ASCC1: variants seen among roughly 807,000 people sequenced by gnomAD.
The protein encoded by ASCC1 is activating signal cointegrator 1 complex subunit 1.
A neutral mutation model predicts 46.6 loss-of-function variants in ASCC1; 35 were observed. The observed-to-expected ratio is 0.75, with a 90% CI of 0.57 to 0.99. ASCC1 has a LOEUF of 0.99. Ranked by LOEUF, ASCC1 falls within the 50% of genes least tolerant of loss-of-function variation. The pLI, the probability that ASCC1 is intolerant of heterozygous loss-of-function variation, is 0.00. For synonymous variants in ASCC1, 143 were observed against 146.6 expected (o/e 0.98, Z 0.18); for missense variants, 376 against 428.7 (o/e 0.88, Z 1.09).
chr10:72,133,339 A>G (rs919313747), intron 7 of ASCC1, 158 bp from the exon 8 acceptor site: 11 of 704,422 alleles, frequency 1.6e-5, no homozygotes, highest in Non-Finnish European at 2.7e-5. Context: ...TCCCACCATC[A>G]TGGAGCTAAA....
chr10:72,126,487 G>T (rs929087307), intron 9 of ASCC1, among the ~76,000 whole-genome samples: 1 of 152,108 alleles, frequency 6.6e-6, no homozygotes, highest in African/African-American at 2.4e-5. Context: ...CTATAGCAAG[G>T]TAAGAGCTCC....
chr10:72,160,887 T>A (rs1036722384), intron 6 of ASCC1, among the ~76,000 whole-genome samples: 1 of 150,518 alleles, frequency 6.6e-6, no homozygotes, highest in South Asian at 2.1e-4. Context: ...ATCAAGACCA[T>A]CCTGGCTAAA....
chr10:72,132,316 T>A (rs1399465379), intron 8 of ASCC1, among the ~76,000 whole-genome samples: 1 of 152,212 alleles, frequency 6.6e-6, no homozygotes, highest in Non-Finnish European at 1.5e-5. Context: ...CCTGATCCGA[T>A]GCTGAAGGTA....
intron 1 of ASCC1, among the ~76,000 whole-genome samples, chr10:72,213,570 C>G (rs539692767): frequency 6.6e-6 from 1 of 150,494 alleles, no homozygotes; most frequent in African/African-American, 2.4e-5. Flanking sequence ...TATCACCCCC[C>G]CCCCAAAAAT....
chr10:72,180,783 C>A (rs1235382535), intron 5 of ASCC1: 1 of 152,078 alleles, frequency 6.6e-6, no homozygotes, highest in Non-Finnish European at 1.5e-5. Context: ...CAGTCATACC[C>A]AAACCTCAGC....
At chr10:72,116,302 T>C (rs547113894) in intron 9 of ASCC1, among the ~76,000 whole-genome samples, 1 of 152,372 alleles carries the variant, frequency 6.6e-6, no homozygotes, top group East Asian at 1.9e-4. Context: ...CTTTGTAATG[T>C]AGATACTGCC....
Position 72,214,877 on chromosome 10 carries a change from G to T in ASCC1, c.-34+1330C>A, listed in dbSNP as rs189421719. On this transcript the variant is annotated intron_variant, in intron 1 of 9. Coordinates refer to ENST00000672957, the MANE Select transcript of ASCC1 (RefSeq NM_001198800.3). ...TCAGACCAACATACTGCTGAAGGGG[G>T]GAATCCAATTTCCACAGGCCACTGC... 3.3e-3 allele frequency among the ~76,000 whole-genome samples: 506 copies of T among 152,256 alleles called. 12 individuals carry two copies. Among genetic ancestry groups the T allele is most frequent in the Non-Finnish European group, 7.4e-4 (50 of 68,022 alleles).
At chr10:72,186,080 G>C (rs1046019009) in intron 5 of ASCC1, among the ~76,000 whole-genome samples, 1 of 151,832 alleles carries the variant, frequency 6.6e-6, no homozygotes, top group African/African-American at 2.4e-5. Flanking sequence ...AAAAATGGGA[G>C]TTAGCTTCTA....
intron 5 of ASCC1, among the ~76,000 whole-genome samples, chr10:72,192,820 A>C (rs997841778): frequency 3.3e-5 from 5 of 152,220 alleles, no homozygotes; most frequent in Non-Finnish European, 7.3e-5. Flanking sequence ...AAACAGGCAA[A>C]AGACATGAAC....
chr10:72,196,786 A>C (rs988361648), intron 5 of ASCC1, 25 bp downstream of exon 5: 1 of 1,602,890 alleles, frequency 6.2e-7, no homozygotes, highest in Admixed American at 1.7e-5. Context: ...TTTTTTTTTA[A>C]CCTTCTTGCT....
At chr10:72,129,874 A>G (rs983729013) in intron 8 of ASCC1, among the ~76,000 whole-genome samples, 6 of 150,862 alleles carry the variant, frequency 4.0e-5, no homozygotes, top group Non-Finnish European at 8.9e-5. Flanking sequence ...CCAACTACTC[A>G]GGAGGCTGAA....
At chr10:72,186,564 A>T (rs773440191) in intron 5 of ASCC1, among the ~76,000 whole-genome samples, 152 of 152,200 alleles carry the variant, frequency 1.0e-3, no homozygotes, top group Non-Finnish European at 1.9e-3. Flanking sequence ...AAATTGAGGT[A>T]ATAAATGCAG....
At chr10:72,109,960 T>G (rs1193096597) in intron 9 of ASCC1, among the ~76,000 whole-genome samples, 1 of 152,194 alleles carries the variant, frequency 6.6e-6, no homozygotes, top group Non-Finnish European at 1.5e-5. Context: ...AAGTTCAATT[T>G]GCTGCATTAT....
intron 5 of ASCC1, chr10:72,180,906 G>T: frequency 5.1e-6 from 1 of 195,718 alleles, no homozygotes; most frequent in Non-Finnish European, 1.1e-5. Flanking sequence ...TTCTGTTAAC[G>T]AAACTTTGGG....
rs765267945 is a variant in ASCC1, at chr10:72,210,767, G to A, written c.177C>T (p.Phe59=). 1 of 1,614,116 alleles carries A rather than the reference G, an allele frequency of 6.2e-7. No homozygotes were observed. Among genetic ancestry groups the A allele is most frequent in the African/African-American group, 1.3e-5 (1 of 75,032 alleles). ...AYEVEQTPQG[F]RSTLRAPSLL... ...AGCTGGGGGCCCTCAAAGTAGACCG[G>A]AATCCTTGTGGGGTCTGCTCCACCT... The change falls in exon 3 of 10, where the codon TTC becomes TTT. Residue 59 remains phenylalanine (F), a synonymous_variant. Coordinates refer to ENST00000672957, the MANE Select transcript of ASCC1 (RefSeq NM_001198800.3).
intron 5 of ASCC1, among the ~76,000 whole-genome samples, chr10:72,170,124 GA>G (rs112103477): frequency 1.6e-3 from 220 of 136,002 alleles, no homozygotes; most frequent in African/African-American, 2.4e-3. Flanking sequence ...CCGTCTCAAA[GA>G]AAAAAAAAAA....
chr10:72,199,324 G>C (rs533900412), intron 4 of ASCC1, among the ~76,000 whole-genome samples: 34 of 127,478 alleles, frequency 2.7e-4, no homozygotes, highest in African/African-American at 1.0e-3. Flanking sequence ...TTGAGACAGA[G>C]TCTCACTCTG....
chr10:72,182,378 T>C (rs547847412), intron 5 of ASCC1, among the ~76,000 whole-genome samples: 25 of 152,180 alleles, frequency 1.6e-4, no homozygotes, highest in African/African-American at 5.3e-4. Context: ...GGAGCAAAAA[T>C]AGAACTAGCT....
chr10:72,172,601 C>T lies in ASCC1; in HGVS notation c.490-10927G>A, dbSNP rs550231510. Among the ~76,000 whole-genome samples the T allele has an allele frequency of 4.1e-5, 6 of 146,970 alleles. No homozygotes were observed. In the East Asian group the frequency reaches 1.2e-3, roughly 29 times the overall value. ...CCTCAAGTGATCCGCTGGCCTCAGT[C>T]TCCCAAAGCGCTGGGATTACAGGCA... On this transcript the variant is annotated intron_variant, in intron 5 of 9. Transcript: ENST00000672957.
Sources: allele counts gnomAD v4.1 joint callset (sites outside exome capture counted in the v4.1 genomes callset), GRCh38; gene constraint gnomAD v4.1.1; transcripts MANE v1.5; gene names NCBI Gene and HGNC (gene_info 2026-07-23, HGNC 2026-07-21).